KCND2: variants seen among roughly 807,000 people sequenced by gnomAD.
KCND2 encodes A-type voltage-gated potassium channel KCND2.
A neutral mutation model predicts 54.4 loss-of-function variants in KCND2; 16 were observed. The ratio of observed to expected loss-of-function variants is 0.29; its 90% CI spans 0.20 to 0.45. The LOEUF is 0.45. KCND2 is among the 20% of genes least tolerant of loss of function. The pLI, the probability that KCND2 is intolerant of heterozygous loss-of-function variation, is 1.00. For synonymous variants in KCND2, 317 were observed against 310.7 expected, an observed-to-expected ratio of 1.02 and a Z score of -0.21; for missense variants, 486 against 824.2, an observed-to-expected ratio of 0.59 and a Z score of 5.02.
intron 1 of KCND2, among the ~76,000 whole-genome samples, chr7:120,366,007 C>T (rs1800672963): frequency 6.6e-6 from 1 of 152,016 alleles, no homozygotes; most frequent in South Asian, 2.1e-4. Context: ...GATAACTGTG[C>T]CCTTTATCAG....
At chr7:120,298,044 T>A (rs1799535215) in intron 1 of KCND2, among the ~76,000 whole-genome samples, 1 of 152,150 alleles carries the variant, frequency 6.6e-6, no homozygotes, top group Non-Finnish European at 1.5e-5. Flanking sequence ...TTTGTAATAT[T>A]GTTTAATATT....
At position 120,423,910 on chromosome 7, in the gene KCND2, T is replaced by G. The variant is rs1267807352; in HGVS notation, c.1115+148163T>G. 5.3e-5 allele frequency among the ~76,000 whole-genome samples: 8 copies of G among 152,212 alleles called. No individual in the cohort carries two copies. In the East Asian group the frequency reaches 1.5e-3, roughly 29 times the overall value. On this transcript the variant is annotated intron_variant, in intron 1 of 5. Coordinates refer to ENST00000331113, the MANE Select transcript of KCND2 (RefSeq NM_012281.3). ...TCGAACAAAACCAGATATAAAACTT[T>G]TGAATAGAGAGATCCTCACAACCTT... is the stretch of plus-strand genomic sequence containing the variant.
intron 1 of KCND2, among the ~76,000 whole-genome samples, chr7:120,600,649 G>A (rs561541270): frequency 5.9e-5 from 9 of 152,058 alleles, no homozygotes; most frequent in East Asian, 1.9e-4. Context: ...TCTAATTACC[G>A]GATGAGCATC....
intron 1 of KCND2, among the ~76,000 whole-genome samples, chr7:120,540,361 A>G (rs1008710392): frequency 6.6e-6 from 1 of 152,226 alleles, no homozygotes; most frequent in Admixed American, 6.5e-5. Flanking sequence ...TAAACTTGAT[A>G]TATCTATAAA....
chr7:120,395,558 CG>C lies in KCND2; in HGVS notation c.1115+119814del, dbSNP rs563887804. Among the ~76,000 whole-genome samples the C allele has an allele frequency of 5.3e-5, 8 of 152,112 alleles. No homozygotes were observed. The South Asian group carries it at 1.7e-3, about 32-fold the overall frequency. On this transcript the variant is annotated intron_variant, in intron 1 of 5. Transcript: ENST00000331113. Reference sequence around the variant, plus strand: ...GATCAGAGAAGCAATTGTTATTGAACGGGTACTGCTTCTTGTGGAGCAGGAC... The same window carrying C: ...GATCAGAGAAGCAATTGTTATTGAACGGTACTGCTTCTTGTGGAGCAGGAC...
intron 1 of KCND2, among the ~76,000 whole-genome samples, chr7:120,328,285 G>A (rs750125131): frequency 6.6e-6 from 1 of 152,058 alleles, no homozygotes; most frequent in Non-Finnish European, 1.5e-5. Flanking sequence ...ATACTTGATA[G>A]TATTTATTGG....
chr7:120,458,474 A>G (rs771258915), intron 1 of KCND2, among the ~76,000 whole-genome samples: 2 of 152,228 alleles, frequency 1.3e-5, no homozygotes, highest in African/African-American at 2.4e-5. Flanking sequence ...CATGCCCACC[A>G]TAACCACACA....
At chr7:120,412,329 C>T (rs1584768167) in intron 1 of KCND2, among the ~76,000 whole-genome samples, 1 of 152,032 alleles carries the variant, frequency 6.6e-6, no homozygotes, top group East Asian at 1.9e-4. Context: ...CAATCTTACT[C>T]TTAAGAGTCT....
At chr7:120,512,402 TTTTG>T (rs1193137406) in intron 1 of KCND2, among the ~76,000 whole-genome samples, 3 of 152,022 alleles carry the variant, frequency 2.0e-5, no homozygotes, top group Non-Finnish European at 4.4e-5. Flanking sequence ...TTTTTAATTT[TTTTG>T]TTTGTTAGTA....
chr7:120,504,048 G>A (rs2116320924), intron 1 of KCND2, among the ~76,000 whole-genome samples: 1 of 152,058 alleles, frequency 6.6e-6, no homozygotes, highest in Middle Eastern at 3.4e-3. Context: ...TAATGAAAGA[G>A]ATTTGTTAGT....
At chr7:120,401,253 G>A (rs974427586) in intron 1 of KCND2, among the ~76,000 whole-genome samples, 7 of 151,978 alleles carry the variant, frequency 4.6e-5, no homozygotes, top group African/African-American at 1.2e-4. Context: ...ATCAAAAAAC[G>A]GCCTGAGTGT....
At chr7:120,682,795 A>G (rs1000601624) in intron 1 of KCND2, among the ~76,000 whole-genome samples, 2 of 152,158 alleles carry the variant, frequency 1.3e-5, no homozygotes, top group African/African-American at 4.8e-5. Flanking sequence ...CTCTCTTAAC[A>G]AGAACTCTGA....
At chr7:120,575,927 A>G (rs187842241) in intron 1 of KCND2, among the ~76,000 whole-genome samples, 26 of 7,232 alleles carry the variant, frequency 3.6e-3, no homozygotes, top group Admixed American at 0.018. Flanking sequence ...AAAAATTCTC[A>G]GGATGTACAC....
At chr7:120,599,236 G>T (rs975969312) in intron 1 of KCND2, among the ~76,000 whole-genome samples, 2 of 151,942 alleles carry the variant, frequency 1.3e-5, no homozygotes, top group Non-Finnish European at 2.9e-5. Context: ...TTCATAATAG[G>T]TCTTGAAATA....
intron 1 of KCND2, among the ~76,000 whole-genome samples, chr7:120,563,416 T>C (rs1036981960): frequency 3.3e-5 from 5 of 152,146 alleles, no homozygotes; most frequent in Non-Finnish European, 7.4e-5. Context: ...CATTCAGTTC[T>C]ACTTGTGTAT....
intron 1 of KCND2, among the ~76,000 whole-genome samples, chr7:120,655,531 T>A (rs1176828940): frequency 6.6e-6 from 1 of 152,102 alleles, no homozygotes; most frequent in Admixed American, 6.6e-5. Context: ...ATAAAGTTGT[T>A]TATATGCAGT....
intron 1 of KCND2, among the ~76,000 whole-genome samples, chr7:120,726,329 CA>C (rs1205362283): frequency 1.3e-5 from 2 of 151,570 alleles, no homozygotes; most frequent in African/African-American, 4.8e-5. Context: ...TAACAACACT[CA>C]AAAAAAAGGT....
At chr7:120,324,215 G>A (rs1285317083) in intron 1 of KCND2, among the ~76,000 whole-genome samples, 9 of 150,326 alleles carry the variant, frequency 6.0e-5, no homozygotes, top group Admixed American at 5.3e-4. Context: ...TGTCAGATGA[G>A]TAGGTTGCAA....
At chr7:120,616,284 T>C (rs2116493885) in intron 1 of KCND2, among the ~76,000 whole-genome samples, 1 of 152,244 alleles carries the variant, frequency 6.6e-6, no homozygotes, top group Non-Finnish European at 1.5e-5. Flanking sequence ...AACTAGAAAA[T>C]TGAGATATAT....
Sources: allele counts gnomAD v4.1 joint callset (sites outside exome capture counted in the v4.1 genomes callset), GRCh38; gene constraint gnomAD v4.1.1; transcripts MANE v1.5; gene names NCBI Gene and HGNC (gene_info 2026-07-23, HGNC 2026-07-21).